The following NCOA6 variants were observed in gnomAD, a reference collection of about 807,000 sequenced individuals.
NCOA6 encodes nuclear receptor coactivator 6, also known as NRC RAP250.
In NCOA6, 49 loss-of-function variants were observed where a neutral mutation model predicts 171.4. That is an observed-to-expected ratio of 0.29 (90% confidence interval 0.23 to 0.36). The LOEUF (loss-of-function observed/expected upper bound fraction) is 0.36, where lower values mean the gene tolerates loss of function less well. Among genes scored for constraint, NCOA6 ranks in the 10% least tolerant of loss-of-function variants. NCOA6 has a pLI of 1.00. For missense variants in NCOA6, 2,248 were observed against 2,554.5 expected (o/e 0.88, Z 2.59); for synonymous variants, 910 against 927.5 (o/e 0.98, Z 0.34).
chr20:34,717,763 G>A (rs747225411), intron 14 of NCOA6, among the ~76,000 whole-genome samples: 8 of 152,150 alleles, frequency 5.3e-5, no homozygotes, highest in Admixed American at 6.5e-5. Context: ...AATCTCAAGC[G>A]TTATTTTCAC....
In NCOA6 at chr20:34,742,328, C is replaced by G. The variant is rs755957896; in HGVS notation, c.3928G>C (p.Val1310Leu). The G allele has an allele frequency of 2.5e-6, 4 of 1,614,098 alleles. No individual in the cohort carries two copies. Among genetic ancestry groups the G allele is most frequent in the Non-Finnish European group, 2.5e-6 (3 of 1,180,042 alleles). Residue 1310 changes from valine (V) to leucine (L), a missense_variant, in exon 11 of 15, where the codon GTG becomes CTG. Physicochemically the swap from Val to Leu is conservative, Grantham distance 32. Transcript: ENST00000359003. The part of the protein sequence containing the change: ...PQTHKLDSVV[V>L]NSGKQSNSGA... ...GAATTAGACTGCTTTCCAGAATTCA[C>G]TACCACAGAATCTAATTTGTGAGTT...
At chr20:34,728,682 T>C (rs1042644655) in intron 13 of NCOA6, among the ~76,000 whole-genome samples, 1 of 152,198 alleles carries the variant, frequency 6.6e-6, no homozygotes, top group Non-Finnish European at 1.5e-5. Flanking sequence ...CATAAGGAAG[T>C]TAAAACATTT....
intron 1 of NCOA6, among the ~76,000 whole-genome samples, chr20:34,810,927 A>C (rs1003485441): frequency 3.0e-4 from 45 of 151,830 alleles, no homozygotes; most frequent in Non-Finnish European, 4.7e-4. Context: ...TAGTAAAATC[A>C]ACTGTGTACC....
intron 5 of NCOA6, among the ~76,000 whole-genome samples, chr20:34,762,239 T>A (rs1264412057): frequency 6.6e-6 from 1 of 152,188 alleles, no homozygotes; most frequent in Non-Finnish European, 1.5e-5. Context: ...CTTTATCTGG[T>A]AAAAATATTA....
intron 1 of NCOA6, among the ~76,000 whole-genome samples, chr20:34,802,360 G>A (rs58148764): frequency 0.015 from 2,295 of 152,320 alleles, 65 homozygotes; most frequent in African/African-American, 0.052. Flanking sequence ...CCAGCACTTT[G>A]GGAGGCCGAG....
At chr20:34,818,630 C>A (rs2078913419) in intron 1 of NCOA6, among the ~76,000 whole-genome samples, 2 of 152,156 alleles carry the variant, frequency 1.3e-5, no homozygotes, top group Admixed American at 6.5e-5. Flanking sequence ...ACTGTCTCAT[C>A]TCCAAGTATT....
chr20:34,755,341 A>C (rs971117487), intron 7 of NCOA6, among the ~76,000 whole-genome samples: 1 of 152,220 alleles, frequency 6.6e-6, no homozygotes, highest in African/African-American at 2.4e-5. Flanking sequence ...TTTTCCTTTG[A>C]GGGAAACTGA....
rs143013675 is a variant in NCOA6 at position 34,757,413 on chromosome 20, C to T, written c.1335G>A (p.Thr445=). ...FQQGSPASSP[T]VNQTQQQMGP... is the part of the protein sequence containing the mutation. Reference sequence around the variant, plus strand: ...CCATCTGCTGCTGAGTTTGGTTAACCGTTGGGGAGGATGCAGGGGATCCCT... The same window carrying T: ...CCATCTGCTGCTGAGTTTGGTTAACTGTTGGGGAGGATGCAGGGGATCCCT... Residue 445 remains threonine (T), a synonymous_variant, in exon 7 of 15, where the codon ACG becomes ACA. Transcript: ENST00000359003. 15 of 1,613,558 alleles carry T rather than the reference C, an allele frequency of 9.3e-6. No homozygotes were observed. In the South Asian group the frequency reaches 1.1e-4, roughly 12 times the overall value.
At chr20:34,750,640 A>T in intron 8 of NCOA6, 121 bp from the exon 9 acceptor site, 1 of 1,091,974 alleles carries the variant, frequency 9.2e-7, no homozygotes, top group Non-Finnish European at 1.3e-6. Flanking sequence ...GACCAACATA[A>T]ATATGCTGTT....
At chr20:34,800,593 A>C (rs1568873646) in intron 1 of NCOA6, among the ~76,000 whole-genome samples, 1 of 152,130 alleles carries the variant, frequency 6.6e-6, no homozygotes, top group African/African-American at 2.4e-5. Context: ...ATTTCAAGAC[A>C]AAACTATAAA....
At position 34,742,761 on chromosome 20, in the gene NCOA6, C is replaced by T. The variant is rs769587562; in HGVS notation, c.3495G>A (p.Gly1165=). 1 of 1,614,122 alleles carries T rather than the reference C, an allele frequency of 6.2e-7. No homozygotes were observed. The highest frequency in any genetic ancestry group is 1.3e-5 in the African/African-American group (1 of 75,018). ...AAAGGGGCGATGGTCCAGGTTTTGG[C>T]CCTGTCATCATTAACTGATTCTGGG... ...VLPQNQLMMT[G]PKPGPSPLSA... is the part of the protein sequence containing the mutation. Residue 1165 remains glycine (G), a synonymous_variant, in exon 11 of 15, where the codon GGG becomes GGA. Transcript: ENST00000359003.
At chr20:34,737,707 A>C (rs956790465) in intron 11 of NCOA6, among the ~76,000 whole-genome samples, 3 of 152,218 alleles carry the variant, frequency 2.0e-5, no homozygotes, top group African/African-American at 7.2e-5. Flanking sequence ...CTCAGTCTAA[A>C]ATCCTAGATA....
At chr20:34,732,473 G>A in intron 13 of NCOA6, 86 bp downstream of exon 13, 1 of 1,304,702 alleles carries the variant, frequency 7.7e-7, no homozygotes, top group Admixed American at 1.8e-5. Flanking sequence ...ACAAGGTGAA[G>A]AGAGGTTTAA....
At chr20:34,765,543 A>G (rs549115382) in intron 5 of NCOA6, among the ~76,000 whole-genome samples, 13 of 152,150 alleles carry the variant, frequency 8.5e-5, no homozygotes, top group East Asian at 1.9e-4. Flanking sequence ...TAGTGACACT[A>G]TAACATGCAT....
rs1884432 is a variant in NCOA6 at position 34,754,636 on chromosome 20, T to C, written c.1675+86A>G. ...AATTAAGGGGAGAGACCAAGACTTATTACTTATCTGTATACTCCTGTTGTC... is the reference window on the plus strand; with the variant it reads ...AATTAAGGGGAGAGACCAAGACTTACTACTTATCTGTATACTCCTGTTGTC... On this transcript the variant is annotated intron_variant, in intron 8 of 14. Transcript: ENST00000359003. 0.82 allele frequency: 1,246,595 copies of C among 1,511,512 alleles called. 516,145 individuals are homozygous for C. Among genetic ancestry groups the C allele is most frequent in the Admixed American group, 0.93 (52,677 of 56,738 alleles). The allele number at this position is 1,511,512 out of a possible 1,614,324, so 93.6% of individuals were successfully genotyped here.
chr20:34,759,029 G>GTTTTT, intron 5 of NCOA6, 96 bp from the exon 6 acceptor site: 1 of 1,060,496 alleles, frequency 9.4e-7, no homozygotes, highest in Non-Finnish European at 1.3e-6. Flanking sequence ...TGGAAAATTT[G>GTTTTT]TTTTTTTTTT....
At chr20:34,806,569 G>A (rs544552186) in intron 1 of NCOA6, among the ~76,000 whole-genome samples, 1 of 152,146 alleles carries the variant, frequency 6.6e-6, no homozygotes, top group Non-Finnish European at 1.5e-5. Flanking sequence ...CTCATTTTGA[G>A]TTGATTTTTG....
At position 34,749,691 on chromosome 20, in the gene NCOA6, G is replaced by A; in HGVS notation, c.2504C>T (p.Ala835Val). 1 of 1,614,146 alleles carries A rather than the reference G, an allele frequency of 6.2e-7. No homozygotes were observed. Among genetic ancestry groups the A allele is most frequent in the Non-Finnish European group, 8.5e-7 (1 of 1,179,982 alleles). Residue 835 changes from alanine (A) to valine (V), a missense_variant, in exon 9 of 15, where the codon GCC becomes GTC. By Grantham distance (64) the Ala-to-Val change is moderately conservative. Transcript: ENST00000359003. ...TCCCGAGGCACTGTTTCCCTGCATG[G>A]CCTGCACATGAGGGGGGACCATGTT... ...QTNMVPPHVQ[A>V]MQGNSASGNH...
chr20:34,806,717 C>T (rs1481918024), intron 1 of NCOA6, among the ~76,000 whole-genome samples: 2 of 152,060 alleles, frequency 1.3e-5, no homozygotes, highest in Non-Finnish European at 2.9e-5. Flanking sequence ...TGGCTGTAAA[C>T]GTGTGGATTT....
Sources: gnomAD v4.1 joint callset for allele counts (sites outside exome capture counted in the v4.1 genomes callset) on GRCh38, gnomAD v4.1.1 for gene constraint, MANE v1.5 for transcripts, NCBI Gene and HGNC (gene_info 2026-07-23, HGNC 2026-07-21) for gene names.